The following TRAPPC8 variants were observed in gnomAD, a reference collection of about 807,000 sequenced individuals.
TRAPPC8 encodes the protein general sporulation gene 1 homolog.
TRAPPC8 carries 54 observed loss-of-function variants against 174.3 expected under a neutral mutation model. The observed-to-expected ratio is 0.31, with a 90% CI of 0.25 to 0.39. The LOEUF (loss-of-function observed/expected upper bound fraction) is 0.39, where lower values mean the gene tolerates loss of function less well. Ranked by LOEUF, TRAPPC8 falls within the 10% of genes least tolerant of loss-of-function variation. The pLI is 1.00. For missense variants in TRAPPC8, 1,531 were observed against 1,699.1 expected (o/e 0.90, Z 1.74); for synonymous variants, 630 against 579.9 (o/e 1.09, Z -1.24).
chr18:31,915,471 G>GC (rs1568131229), intron 4 of TRAPPC8, among the ~76,000 whole-genome samples: 4 of 129,574 alleles, frequency 3.1e-5, no homozygotes, highest in African/African-American at 5.8e-5. Flanking sequence ...AAAAAAAAAG[G>GC]GGGGGGGGGC....
intron 8 of TRAPPC8, 23 bp from the exon 9 acceptor site, chr18:31,907,633 T>A (rs4581778): frequency 0.27 from 412,100 of 1,548,328 alleles, 57,135 homozygotes; most frequent in Middle Eastern, 0.34. Context: ...AAGAAAATAA[T>A]TTATAATTTA....
rs1568022757 is a variant in TRAPPC8, at chr18:31,831,002, G to A, written c.4074-13C>T. The stretch of plus-strand genomic sequence containing the variant: ...CAGTGCTTCTGGACTAAGGGAGGAG[G>A]AAAATGTAAGTTGCAGGATTTTTTT... On this transcript the variant is annotated splice_polypyrimidine_tract_variant and intron_variant, in intron 28 of 28. Coordinates refer to ENST00000283351, the MANE Select transcript of TRAPPC8 (RefSeq NM_014939.5). 1.3e-6 allele frequency: 2 copies of A among 1,582,846 alleles called. No individual in the cohort carries two copies. Among genetic ancestry groups the A allele is most frequent in the Admixed American group, 1.8e-5 (1 of 55,388 alleles).
intron 2 of TRAPPC8, among the ~76,000 whole-genome samples, chr18:31,927,285 T>C (rs769882461): frequency 1.1e-4 from 17 of 151,946 alleles, no homozygotes; most frequent in Non-Finnish European, 2.4e-4. Flanking sequence ...TTTTTTTTTT[T>C]TGAGACTCAC....
chr18:31,900,671 T>C (rs1426679918), intron 10 of TRAPPC8, among the ~76,000 whole-genome samples: 1 of 152,206 alleles, frequency 6.6e-6, no homozygotes, highest in Non-Finnish European at 1.5e-5. Flanking sequence ...AGTTTAAAGC[T>C]AGAAATGTCC....
At chr18:31,907,691 T>A in intron 8 of TRAPPC8, 81 bp from the exon 9 acceptor site, 2 of 1,216,886 alleles carry the variant, frequency 1.6e-6, no homozygotes, top group Non-Finnish European at 2.2e-6. Context: ...CAAGCTGCCA[T>A]GTTCTTCTAG....
intron 25 of TRAPPC8, 29 bp downstream of exon 25, chr18:31,849,537 G>C (rs2033595819): frequency 6.5e-7 from 1 of 1,547,298 alleles, no homozygotes; most frequent in African/African-American, 1.4e-5. Context: ...TATAAGTGAG[G>C]CTTGCTGAAA....
chr18:31,833,777 G>A (rs2032523409), intron 27 of TRAPPC8, among the ~76,000 whole-genome samples: 1 of 152,042 alleles, frequency 6.6e-6, no homozygotes, highest in African/African-American at 2.4e-5. Flanking sequence ...ACCGAGGCGG[G>A]CGGATCACAA....
At chr18:31,861,849 C>A (rs1272990903) in intron 19 of TRAPPC8, among the ~76,000 whole-genome samples, 1 of 141,660 alleles carries the variant, frequency 7.1e-6, no homozygotes, top group Non-Finnish European at 1.5e-5. Flanking sequence ...ACACTTGAGT[C>A]CAGGAAGCCA....
At chr18:31,921,914 T>G (rs1191288087) in intron 2 of TRAPPC8, among the ~76,000 whole-genome samples, 1 of 152,180 alleles carries the variant, frequency 6.6e-6, no homozygotes, top group South Asian at 2.1e-4. Flanking sequence ...AAAATCAAAT[T>G]TATCAGTTGT....
In TRAPPC8 at chr18:31,875,408, C is replaced by CCCAG. The variant is rs1015608523; in HGVS notation, c.1729-708_1729-705dup. Among the ~76,000 whole-genome samples the CCCAG allele has an allele frequency of 2.5e-4, 36 of 146,138 alleles. No individual in the cohort carries two copies. In the East Asian group the frequency reaches 6.7e-3, roughly 27 times the overall value. ...CACATACTGGACCAACCATGCTGAT[C>CCCAG]CCAGCCTGCCTGCCTGCCTGCCTGC... is the stretch of plus-strand genomic sequence containing the variant. On this transcript the variant is annotated intron_variant, in intron 12 of 28. Transcript: ENST00000283351.
intron 2 of TRAPPC8, among the ~76,000 whole-genome samples, chr18:31,918,988 T>C (rs2037262317): frequency 6.6e-6 from 1 of 152,220 alleles, no homozygotes; most frequent in South Asian, 2.1e-4. Context: ...ACAGCAAATA[T>C]ATTCTTTCTG....
chr18:31,937,214 A>G (rs947750393), intron 1 of TRAPPC8, among the ~76,000 whole-genome samples: 1 of 152,216 alleles, frequency 6.6e-6, no homozygotes, highest in African/African-American at 2.4e-5. Context: ...CTCCGTCTCA[A>G]AAAATAAAAA....
intron 14 of TRAPPC8, among the ~76,000 whole-genome samples, chr18:31,871,908 C>T (rs2034882503): frequency 6.6e-6 from 1 of 151,340 alleles, no homozygotes; most frequent in Non-Finnish European, 1.5e-5. Flanking sequence ...TGATTAAATT[C>T]AAATATAAGA....
Position 31,855,698 on chromosome 18 carries a change from T to C in TRAPPC8, c.3298A>G (p.Asn1100Asp). The C allele has an allele frequency of 6.2e-7, 1 of 1,608,226 alleles. No individual in the cohort carries two copies. The highest frequency in any genetic ancestry group is 1.1e-5 in the South Asian group (1 of 89,210). ...SLENEEGRGG[N>D]MLVFVDVENT... ...TCCACATCCACAAAGACTAGCATAT[T>C]GCCTCCTCTGCCTTCTTCATTTTCA... The change falls in exon 21 of 29, where the codon AAT (asparagine) becomes GAT (aspartate). Residue 1100 changes from asparagine (N) to aspartate (D), a missense_variant. Asn to Asp is a conservative substitution (Grantham distance 23, BLOSUM62 1). Coordinates refer to ENST00000283351, the MANE Select transcript of TRAPPC8 (RefSeq NM_014939.5).
rs763057418 is a variant in TRAPPC8 at position 31,916,433 on chromosome 18, C to T, written c.456G>A (p.Ala152=). The change falls in exon 4 of 29, where the codon GCG becomes GCA. Residue 152 remains alanine (A), a synonymous_variant. Transcript: ENST00000283351. Reference sequence around the variant, plus strand: ...CCACAGGTTCAGCTTCACTAGATGACGCTACCAACATACCTTGTAAACCAT... The same window carrying T: ...CCACAGGTTCAGCTTCACTAGATGATGCTACCAACATACCTTGTAAACCAT... ...LNHYLACMLV[A]SSSEAEPVEQ... is the part of the protein sequence containing the mutation. 14 of 1,609,124 alleles carry T rather than the reference C, an allele frequency of 8.7e-6. No individual in the cohort carries two copies. Among genetic ancestry groups the T allele is most frequent in the East Asian group, 2.2e-5 (1 of 44,766 alleles).
intron 16 of TRAPPC8, among the ~76,000 whole-genome samples, chr18:31,869,705 C>T (rs1389274507): frequency 6.6e-6 from 1 of 152,094 alleles, no homozygotes; most frequent in Non-Finnish European, 1.5e-5. Flanking sequence ...ACTTTGATAT[C>T]AGAATACGCC....
chr18:31,876,528 ACCTCAGAT>A (rs931203853), intron 12 of TRAPPC8, among the ~76,000 whole-genome samples: 9 of 149,636 alleles, frequency 6.0e-5, no homozygotes, highest in Admixed American at 5.3e-4. Flanking sequence ...CTTACTAGGG[ACCTCAGAT>A]CCTCAGATGC....
At chr18:31,885,141 G>GCCA (rs571277331) in intron 12 of TRAPPC8, among the ~76,000 whole-genome samples, 119 of 152,286 alleles carry the variant, frequency 7.8e-4, no homozygotes, top group African/African-American at 2.8e-3. Flanking sequence ...ATAGGCGTGA[G>GCCA]CCACCGTACC....
chr18:31,874,147 C>A, intron 13 of TRAPPC8: 1 of 336,056 alleles, frequency 3.0e-6, no homozygotes, highest in East Asian at 5.4e-5. Context: ...TAAAGAGAAC[C>A]CACTTAAAAC....
Sources: allele counts gnomAD v4.1 joint callset (sites outside exome capture counted in the v4.1 genomes callset), GRCh38; gene constraint gnomAD v4.1.1; transcripts MANE v1.5; gene names NCBI Gene and HGNC (gene_info 2026-07-23, HGNC 2026-07-21).